The following KCNN2 variants were observed in gnomAD, a reference collection of about 807,000 sequenced individuals.
The protein encoded by KCNN2 is small conductance calcium-activated potassium channel protein 2.
Under a neutral mutation model 55.5 loss-of-function variants are expected in KCNN2, and 24 were observed. The ratio of observed to expected loss-of-function variants is 0.43; its 90% CI spans 0.31 to 0.61. The LOEUF (loss-of-function observed/expected upper bound fraction) is 0.61, where lower values mean the gene tolerates loss of function less well. Ranked by LOEUF, KCNN2 falls within the 20% of genes least tolerant of loss-of-function variation. The pLI is 0.08. For synonymous variants in KCNN2, 431 were observed against 336.1 expected (o/e 1.28, Z -3.09); for missense variants, 754 against 853.6 (o/e 0.88, Z 1.45).
At chr5:114,068,813 T>A (rs1032405178) in intron 1 of KCNN2, among the ~76,000 whole-genome samples, 41 of 152,102 alleles carry the variant, frequency 2.7e-4, no homozygotes, top group Non-Finnish European at 2.4e-4. Context: ...TTTCTTTTTC[T>A]TTTTCTTTTT....
intron 1 of KCNN2, among the ~76,000 whole-genome samples, chr5:114,175,291 G>C (rs983848104): frequency 1.3e-5 from 2 of 152,072 alleles, no homozygotes; most frequent in Non-Finnish European, 2.9e-5. Context: ...CTAAGGATTG[G>C]CATCTGTTGC....
At chr5:114,170,362 T>G (rs1040581068) in intron 1 of KCNN2, among the ~76,000 whole-genome samples, 11 of 152,100 alleles carry the variant, frequency 7.2e-5, no homozygotes, top group Admixed American at 4.6e-4. Context: ...TGGGTTTTAT[T>G]GAGATTTTAT....
At chr5:114,476,787 A>AAGAAAACAGATTG (rs1761988404) in intron 5 of KCNN2, among the ~76,000 whole-genome samples, 1 of 152,122 alleles carries the variant, frequency 6.6e-6, no homozygotes, top group Non-Finnish European at 1.5e-5. Context: ...ATGACACTAG[A>AAGAAAACAGATTG]AGAAAACAGA....
chr5:114,322,258 C>G (rs1190977108), intron 2 of KCNN2, among the ~76,000 whole-genome samples: 1 of 152,142 alleles, frequency 6.6e-6, no homozygotes, highest in African/African-American at 2.4e-5. Flanking sequence ...TAAAATTCTT[C>G]TAGACCAACC....
chr5:114,145,943 G>C (rs1437938471), intron 1 of KCNN2, among the ~76,000 whole-genome samples: 1 of 152,014 alleles, frequency 6.6e-6, no homozygotes, highest in Non-Finnish European at 1.5e-5. Context: ...GGATGTGCTA[G>C]TTGTTTCCTG....
At chr5:114,165,700 G>A (rs1752894775) in intron 1 of KCNN2, among the ~76,000 whole-genome samples, 2 of 152,020 alleles carry the variant, frequency 1.3e-5, no homozygotes, top group South Asian at 2.1e-4. Flanking sequence ...GAAAAGTTAT[G>A]ATTTTCTTAA....
intron 2 of KCNN2, among the ~76,000 whole-genome samples, chr5:114,380,260 A>T (rs1241280063): frequency 1.3e-5 from 2 of 152,160 alleles, no homozygotes; most frequent in Non-Finnish European, 2.9e-5. Context: ...GGATTAATGT[A>T]GTCTCCTGCC....
intron 1 of KCNN2, among the ~76,000 whole-genome samples, chr5:114,192,650 T>G (rs187068779): frequency 6.6e-6 from 1 of 152,262 alleles, no homozygotes; most frequent in East Asian, 1.9e-4. Flanking sequence ...TTGTAGCTAC[T>G]GTGCACGGTC....
At chr5:114,111,964 C>T (rs1430340097) in intron 1 of KCNN2, among the ~76,000 whole-genome samples, 1 of 152,154 alleles carries the variant, frequency 6.6e-6, no homozygotes. Flanking sequence ...TTGACCCAGC[C>T]ATCCCATTAC....
At chr5:114,163,579 C>G (rs779962310) in intron 1 of KCNN2, among the ~76,000 whole-genome samples, 6 of 152,050 alleles carry the variant, frequency 3.9e-5, no homozygotes, top group African/African-American at 7.2e-5. Flanking sequence ...TTTTATATTA[C>G]CCTCAAGTCC....
At chr5:114,240,357 GA>G (rs1754592279) in intron 2 of KCNN2, among the ~76,000 whole-genome samples, 1 of 150,306 alleles carries the variant, frequency 6.7e-6, no homozygotes, top group Non-Finnish European at 1.5e-5. Context: ...AGACATGATA[GA>G]AAAACATATA....
intron 3 of KCNN2, among the ~76,000 whole-genome samples, chr5:114,439,461 TTTA>T (rs1481531655): frequency 2.0e-5 from 3 of 152,186 alleles, no homozygotes; most frequent in Admixed American, 1.3e-4. Flanking sequence ...TCCATTCTGT[TTTA>T]TTACAAAATG....
chr5:114,225,872 G>A (rs1417194587), intron 2 of KCNN2, among the ~76,000 whole-genome samples: 1 of 152,114 alleles, frequency 6.6e-6, no homozygotes, highest in Non-Finnish European at 1.5e-5. Context: ...AATCATCCAC[G>A]TATTCTGTAA....
chr5:114,099,142 G>A (rs1043555175), intron 1 of KCNN2, among the ~76,000 whole-genome samples: 6 of 151,968 alleles, frequency 3.9e-5, no homozygotes, highest in East Asian at 1.9e-4. Context: ...GACAAAAAAC[G>A]TACCCTGAAC....
At chr5:114,155,596 A>G (rs1026625644) in intron 1 of KCNN2, among the ~76,000 whole-genome samples, 7 of 152,110 alleles carry the variant, frequency 4.6e-5, no homozygotes, top group Non-Finnish European at 8.8e-5. Context: ...GGTGTGAGAC[A>G]GTATCTCATT....
chr5:114,495,701 T>G (rs1249949323), intron 7 of KCNN2, among the ~76,000 whole-genome samples, 194 bp from the exon 8 acceptor site: 1 of 152,144 alleles, frequency 6.6e-6, no homozygotes, highest in Non-Finnish European at 1.5e-5. Flanking sequence ...GAACCAAAGA[T>G]CTTATATTTC....
At chr5:114,080,376 C>A (rs1580492944) in intron 1 of KCNN2, among the ~76,000 whole-genome samples, 1 of 152,110 alleles carries the variant, frequency 6.6e-6, no homozygotes, top group Admixed American at 6.5e-5. Context: ...TGTTTGAGAT[C>A]TGCTATGTAT....
intron 2 of KCNN2, among the ~76,000 whole-genome samples, chr5:114,244,946 G>A (rs1754722387): frequency 6.6e-6 from 1 of 152,146 alleles, no homozygotes; most frequent in African/African-American, 2.4e-5. Context: ...CAATGCAGGT[G>A]AAACTCTTCC....
chr5:114,146,635 G>GTGTT (rs767668806), intron 1 of KCNN2, among the ~76,000 whole-genome samples: 2 of 152,122 alleles, frequency 1.3e-5, no homozygotes, highest in Non-Finnish European at 2.9e-5. Flanking sequence ...AAGAGCATTA[G>GTGTT]GAGAAGGCCT....
Sources: gnomAD v4.1 joint callset for allele counts (sites outside exome capture counted in the v4.1 genomes callset) on GRCh38, gnomAD v4.1.1 for gene constraint, MANE v1.5 for transcripts, NCBI Gene and HGNC (gene_info 2026-07-23, HGNC 2026-07-21) for gene names.